The following SLC26A2 variants were observed in gnomAD, a reference collection of about 807,000 sequenced individuals.
The protein encoded by SLC26A2 is solute carrier family 26 member 2, also known as sulfate transporter.
In SLC26A2, 36 loss-of-function variants were observed where a neutral mutation model predicts 41.1. The ratio of observed to expected loss-of-function variants is 0.88; its 90% CI spans 0.67 to 1.16. SLC26A2 has a LOEUF of 1.16. Among genes scored for constraint, SLC26A2 ranks in the 50% most tolerant of loss-of-function variants. SLC26A2 has a pLI of 0.00. For synonymous variants in SLC26A2, 291 were observed against 311.6 expected (o/e 0.93, Z 0.70); for missense variants, 796 against 869.6 (o/e 0.92, Z 1.07).
At chr5:149,967,564 C>T (rs1754825850) in intron 1 of SLC26A2, among the ~76,000 whole-genome samples, 1 of 152,164 alleles carries the variant, frequency 6.6e-6, no homozygotes, top group South Asian at 2.1e-4. Flanking sequence ...AAATCTCCTT[C>T]ATCTAATATT....
intron 1 of SLC26A2, among the ~76,000 whole-genome samples, chr5:149,975,279 T>G (rs781460844): frequency 9.9e-5 from 15 of 152,220 alleles, no homozygotes; most frequent in Non-Finnish European, 1.9e-4. Context: ...ATTCATCATC[T>G]CTGTTACTGT....
Position 149,982,559 on chromosome 5 carries a change from C to T in SLC26A2, c.*746C>T, listed in dbSNP as rs986834397. The T allele has an allele frequency of 6.6e-6, 1 of 152,120 alleles. No homozygotes were observed. Among genetic ancestry groups the T allele is most frequent in the Non-Finnish European group, 1.5e-5 (1 of 68,022 alleles). 9.4% of individuals were successfully genotyped at this position (152,120 alleles called of 1,614,324 possible). ...CAAAATCAGAAAAAACAATAGGAGT[C>T]CTTCCTTGTCTTTTCTGTGATCTCT... On this transcript the variant is annotated 3_prime_UTR_variant, in exon 3 of 3. Coordinates refer to ENST00000286298, the MANE Select transcript of SLC26A2 (RefSeq NM_000112.4).
At chr5:149,961,957 A>C (rs1380377693) in intron 1 of SLC26A2, 1 of 152,244 alleles carries the variant, frequency 6.6e-6, no homozygotes, top group African/African-American at 2.4e-5. Context: ...TAGCCTTACA[A>C]ACCAGCAAGT....
intron 2 of SLC26A2, 71 bp downstream of exon 2, chr5:149,978,422 G>A: frequency 5.2e-6 from 6 of 1,159,258 alleles, no homozygotes; most frequent in Non-Finnish European, 7.7e-6. Flanking sequence ...TATCTCTAAG[G>A]GATCTGAGGA....
At chr5:149,962,858 C>T (rs1308006312) in intron 1 of SLC26A2, among the ~76,000 whole-genome samples, 5 of 152,134 alleles carry the variant, frequency 3.3e-5, no homozygotes, top group Admixed American at 6.5e-5. Flanking sequence ...ATTCACTCAA[C>T]AGATACTTGC....
At position 149,978,198 on chromosome 5, in the gene SLC26A2, A is replaced by G; in HGVS notation, c.546A>G (p.Lys182=). 2 of 1,613,868 alleles carry G rather than the reference A, an allele frequency of 1.2e-6. No homozygotes were observed. The highest frequency in any genetic ancestry group is 1.7e-6 in the Non-Finnish European group (2 of 1,179,744). The stretch of plus-strand genomic sequence containing the variant: ...AGACAGTTGACCGAGAACTACAGAA[A>G]GCTGGCTATGACAATGCCCATAGTG... The part of the protein sequence containing the change: ...IGETVDRELQ[K]AGYDNAHSAP... The change falls in exon 2 of 3, where the codon AAA becomes AAG. Residue 182 remains lysine, a synonymous_variant. Coordinates refer to ENST00000286298, the MANE Select transcript of SLC26A2 (RefSeq NM_000112.4).
In SLC26A2 at chr5:149,980,485, C is replaced by A. The variant is rs1025069199; in HGVS notation, c.892C>A (p.His298Asn). The A allele has an allele frequency of 2.5e-6, 4 of 1,614,104 alleles. No homozygotes were observed. The highest frequency in any genetic ancestry group is 2.5e-6 in the Non-Finnish European group (3 of 1,179,974). ...TTWIHVFRNIHKTNLCDLITS... is the reference protein window; with the variant it reads ...TTWIHVFRNINKTNLCDLITS... ...CTGGATACATGTCTTCAGAAACATC[C>A]ATAAGACCAATCTCTGTGATCTTAT... The change falls in exon 3 of 3, where the codon CAT becomes AAT. Residue 298 changes from histidine (H) to asparagine (N), a missense_variant. Transcript: ENST00000286298.
chr5:149,972,145 C>A (rs947056056), intron 1 of SLC26A2, among the ~76,000 whole-genome samples: 1 of 152,242 alleles, frequency 6.6e-6, no homozygotes, highest in East Asian at 1.9e-4. Context: ...ATATGTTCCT[C>A]CCTTGAAAAC....
chr5:149,971,647 G>A (rs372453222), intron 1 of SLC26A2, among the ~76,000 whole-genome samples: 7 of 152,074 alleles, frequency 4.6e-5, no homozygotes, highest in South Asian at 2.1e-4. Context: ...TAAGCCACCC[G>A]CCTCAGCCTC....
In SLC26A2 at chr5:149,985,002, A is replaced by G. The variant is rs1413411483; in HGVS notation, c.*3189A>G. ...AGAACAGACCATTGAAAAGACTATTATCTGACCAGCGGAGGCAGAAAAGAG... is the reference window on the plus strand; with the variant it reads ...AGAACAGACCATTGAAAAGACTATTGTCTGACCAGCGGAGGCAGAAAAGAG... On this transcript the variant is annotated 3_prime_UTR_variant, in exon 3 of 3. Transcript: ENST00000286298. 2 of 152,268 alleles carry G rather than the reference A, an allele frequency of 1.3e-5. No homozygotes were observed. The highest frequency in any genetic ancestry group is 3.9e-4 in the East Asian group (2 of 5,192). 9.4% of individuals were successfully genotyped at this position (152,268 alleles called of 1,614,324 possible). A position where few individuals can be genotyped will look rare whatever the true frequency, so the allele number is the denominator to read the frequency against.
intron 1 of SLC26A2, among the ~76,000 whole-genome samples, chr5:149,968,001 C>T (rs1273029311): frequency 1.0e-4 from 15 of 147,988 alleles, no homozygotes; most frequent in Non-Finnish European, 2.2e-4. Flanking sequence ...AGATCCAGCT[C>T]TTTTTTTTTA....
At chr5:149,970,402 T>G (rs1200335157) in intron 1 of SLC26A2, among the ~76,000 whole-genome samples, 1 of 152,106 alleles carries the variant, frequency 6.6e-6, no homozygotes, top group Non-Finnish European at 1.5e-5. Flanking sequence ...TCCTAGCTAC[T>G]TGGGAGGCTG....
At chr5:149,970,710 C>G (rs115057541) in intron 1 of SLC26A2, among the ~76,000 whole-genome samples, 132 of 152,216 alleles carry the variant, frequency 8.7e-4, no homozygotes, top group African/African-American at 3.0e-3. Flanking sequence ...ATCTTGCAGG[C>G]TATTAGAGTA....
intron 1 of SLC26A2, among the ~76,000 whole-genome samples, chr5:149,962,715 A>G (rs1322728992): frequency 6.6e-6 from 1 of 152,228 alleles, no homozygotes; most frequent in African/African-American, 2.4e-5. Flanking sequence ...ACCCCCAGGC[A>G]GATGCTTGCC....
rs1755154174 is a variant in SLC26A2 at position 149,984,224 on chromosome 5, A to G, written c.*2411A>G. The G allele has an allele frequency of 6.6e-6, 1 of 152,230 alleles. No individual in the cohort carries two copies. The allele number at this position is 152,230 out of a possible 1,614,324, so 9.4% of individuals were successfully genotyped here. On this transcript the variant is annotated 3_prime_UTR_variant, in exon 3 of 3. Transcript: ENST00000286298. ...TCTGCTTTTGGTAGCCATCTGTAGA[A>G]ACATTTAAGATGTCACTAGAATTTA... is the stretch of plus-strand genomic sequence containing the variant.
chr5:149,964,201 G>C (rs569285953), intron 1 of SLC26A2, among the ~76,000 whole-genome samples: 102 of 152,240 alleles, frequency 6.7e-4, no homozygotes, highest in African/African-American at 1.4e-3. Flanking sequence ...TAAAAATGTA[G>C]GTTCAGGCTG....
rs771989028 is a variant in SLC26A2, at chr5:149,985,592, A to C, written c.*3779A>C. 9.2e-5 allele frequency: 14 copies of C among 152,328 alleles called. No individual in the cohort carries two copies. Among genetic ancestry groups the C allele is most frequent in the Middle Eastern group, 3.4e-3 (1 of 294 alleles). The allele number at this position is 152,328 out of a possible 1,614,324, so 9.4% of individuals were successfully genotyped here. Reference sequence around the variant, plus strand: ...CATGTTAGGGTTAGCCCTGATCTGAATATAAAAGTGAGAAAAGGGCTACAG... The same window carrying C: ...CATGTTAGGGTTAGCCCTGATCTGACTATAAAAGTGAGAAAAGGGCTACAG... On this transcript the variant is annotated 3_prime_UTR_variant, in exon 3 of 3. Coordinates refer to ENST00000286298, the MANE Select transcript of SLC26A2 (RefSeq NM_000112.4).
intron 1 of SLC26A2, among the ~76,000 whole-genome samples, chr5:149,969,037 C>A (rs193106936): frequency 1.2e-3 from 188 of 152,284 alleles, no homozygotes; most frequent in African/African-American, 4.4e-3. Flanking sequence ...CCACTGTGCC[C>A]GGCCTCAAAT....
rs1755132171 is a variant in SLC26A2, at chr5:149,982,753, G to A, written c.*940G>A. The A allele has an allele frequency of 1.3e-5, 2 of 152,118 alleles. No homozygotes were observed. Among genetic ancestry groups the A allele is most frequent in the African/African-American group, 4.8e-5 (2 of 41,412 alleles). 9.4% of individuals were successfully genotyped at this position (152,118 alleles called of 1,614,324 possible). The stretch of plus-strand genomic sequence containing the variant: ...ATGAGTTTGATGTACAGTAAATATT[G>A]ATGACAATGACAGCTTTTAACTCTT... On this transcript the variant is annotated 3_prime_UTR_variant, in exon 3 of 3. Transcript: ENST00000286298.
Sources: allele counts gnomAD v4.1 joint callset (sites outside exome capture counted in the v4.1 genomes callset), GRCh38; gene constraint gnomAD v4.1.1; transcripts MANE v1.5; gene names NCBI Gene and HGNC (gene_info 2026-07-23, HGNC 2026-07-21).